The following SRP68 variants were observed in gnomAD, a reference collection of about 807,000 sequenced individuals.
The protein encoded by SRP68 is signal recognition particle 68.
SRP68 carries 15 observed loss-of-function variants against 82.2 expected under a neutral mutation model. The observed-to-expected ratio is 0.18, with a 90% CI of 0.12 to 0.28. The LOEUF (loss-of-function observed/expected upper bound fraction) is 0.28. Ranked by LOEUF, SRP68 falls within the 10% of genes least tolerant of loss-of-function variation. SRP68 has a pLI of 1.00. For missense variants in SRP68, 595 were observed against 780.5 expected (o/e 0.76, Z 2.83); for synonymous variants, 261 against 292.6 (o/e 0.89, Z 1.10).
intron 6 of SRP68, 42 bp downstream of exon 6, chr17:76,061,068 C>T: frequency 8.2e-7 from 1 of 1,213,202 alleles, no homozygotes; most frequent in Non-Finnish European, 1.2e-6. Flanking sequence ...GGCCATCTAT[C>T]AATGTTCAAG....
rs1189598998 is a variant in SRP68 at position 76,072,389 on chromosome 17, C to T, written c.103G>A (p.Gly35Arg). 8.7e-6 allele frequency: 14 copies of T among 1,609,694 alleles called. No individual in the cohort carries two copies. Among genetic ancestry groups the T allele is most frequent in the Non-Finnish European group, 1.1e-5 (13 of 1,179,740 alleles). ...CGTTCGTTTTCTTTATTTTCTTCCCCTCCGGCACCACGTCCACCGCCGCTA... is the reference window on the plus strand; with the variant it reads ...CGTTCGTTTTCTTTATTTTCTTCCCTTCCGGCACCACGTCCACCGCCGCTA... ...GGSGGGRGAG[G>R]EENKENERPS... Residue 35 changes from glycine to arginine, a missense_variant, in exon 1 of 16, where the codon GGG (glycine) becomes AGG (arginine). Gly to Arg is a moderately radical substitution (Grantham distance 125). Transcript: ENST00000307877. The surrounding 1 kb of genome is among the most constrained non-coding windows in gnomAD (Gnocchi z 4.5).
At chr17:76,070,232 A>AAAAT in intron 2 of SRP68, 146 bp downstream of exon 2, 1 of 698,758 alleles carries the variant, frequency 1.4e-6, no homozygotes, top group South Asian at 1.9e-5. Flanking sequence ...CAAAAAAAAA[A>AAAAT]AAAAAAACAA....
chr17:76,063,065 C>T (rs766792640), intron 4 of SRP68, among the ~76,000 whole-genome samples: 16 of 151,608 alleles, frequency 1.1e-4, no homozygotes, highest in Middle Eastern at 3.4e-3. Flanking sequence ...CCACCACGCC[C>T]GGCCTAAGAA....
At chr17:76,060,202 G>T in intron 7 of SRP68, 106 bp downstream of exon 7, 24 of 337,020 alleles carry the variant, frequency 7.1e-5, no homozygotes, top group East Asian at 2.1e-4. Context: ...TGCTAATACA[G>T]ATATAAATAT....
chr17:76,072,298 T>C lies in SRP68; in HGVS notation c.184+10A>G. The C allele has an allele frequency of 6.2e-7, 1 of 1,611,498 alleles. No individual in the cohort carries two copies. Among genetic ancestry groups the C allele is most frequent in the Non-Finnish European group, 8.5e-7 (1 of 1,179,278 alleles). ...ATCATTGCGAGTTAGGCCCGATTAC[T>C]CTAGGATACTCTCCAAACTCAGGCT... is the stretch of plus-strand genomic sequence containing the variant. On this transcript the variant is annotated intron_variant, in intron 1 of 15. Coordinates refer to ENST00000307877, the MANE Select transcript of SRP68 (RefSeq NM_014230.4). The surrounding 1 kb of genome is among the most constrained non-coding windows in gnomAD (Gnocchi z 4.5).
Position 76,039,480 on chromosome 17 carries a change from A to AG in SRP68, c.*225dup, listed in dbSNP as rs764457133. On this transcript the variant is annotated 3_prime_UTR_variant, in exon 16 of 16. Coordinates refer to ENST00000307877, the MANE Select transcript of SRP68 (RefSeq NM_014230.4). The stretch of plus-strand genomic sequence containing the variant: ...CGGCCCCTTTCCCAGGAGGTACAGG[A>AG]GACAGGATGACCCTGCACACATTTA... 6.1e-6 allele frequency: 4 copies of AG among 657,736 alleles called. No individual in the cohort carries two copies. Among genetic ancestry groups the AG allele is most frequent in the Non-Finnish European group, 1.1e-5 (4 of 360,556 alleles). The allele number at this position is 657,736 out of a possible 1,614,324, so 40.7% of individuals were successfully genotyped here.
intron 7 of SRP68, 47 bp downstream of exon 7, chr17:76,060,261 T>C (rs752816356): frequency 1.5e-6 from 2 of 1,327,362 alleles, no homozygotes; most frequent in Non-Finnish European, 2.2e-6. Flanking sequence ...TTACTCCTTC[T>C]GGACTTTGTC....
chr17:76,060,945 C>CTG (rs1170461955), intron 6 of SRP68, among the ~76,000 whole-genome samples, 165 bp downstream of exon 6: 1 of 152,178 alleles, frequency 6.6e-6, no homozygotes, highest in Non-Finnish European at 1.5e-5. Flanking sequence ...TTGGGCAGGG[C>CTG]TGGCTTCAAC....
At position 76,043,742 on chromosome 17, in the gene SRP68, C is replaced by A. The variant is rs1478612898; in HGVS notation, c.1524+87G>T. On this transcript the variant is annotated intron_variant, in intron 13 of 15. Transcript: ENST00000307877. ...GCCAGGGAGGACCAGCCTGAGGTGG[C>A]GCCCAGCTGTTGTACCCTCACAGCT... is the stretch of plus-strand genomic sequence containing the variant. 2.8e-6 allele frequency: 4 copies of A among 1,419,090 alleles called. No homozygotes were observed. The African/African-American group carries it at 5.9e-5, about 21-fold the overall frequency. The allele number at this position is 1,419,090 out of a possible 1,614,324, so 87.9% of individuals were successfully genotyped here.
At position 76,040,941 on chromosome 17, in the gene SRP68, C is replaced by T. The variant is rs767821341; in HGVS notation, c.1562G>A (p.Arg521Gln). 8.7e-6 allele frequency: 14 copies of T among 1,613,862 alleles called. No homozygotes were observed. The highest frequency in any genetic ancestry group is 3.3e-5 in the Admixed American group (2 of 59,984). ...PDVQELITQV[R>Q]SEKCSLQAAA... ...GGCCTGCAGGGAGCACTTCTCTGAC[C>T]GCACTTGAGTGATGAGCTCTTGCAC... The change falls in exon 14 of 16, where the codon CGG (arginine) becomes CAG (glutamine). Residue 521 changes from arginine (R) to glutamine (Q), a missense_variant. By Grantham distance (43) the Arg-to-Gln change is conservative (BLOSUM62 1). Coordinates refer to ENST00000307877, the MANE Select transcript of SRP68 (RefSeq NM_014230.4).
chr17:76,060,290 A>G lies in SRP68; in HGVS notation c.837+18T>C. 1 of 1,587,996 alleles carries G rather than the reference A, an allele frequency of 6.3e-7. No homozygotes were observed. On this transcript the variant is annotated intron_variant, in intron 7 of 15. Transcript: ENST00000307877. ...CTTTGTCCAAAGACTTTTCACAAAA[A>G]TGTACATACTAGATTACCTCCAATT...
intron 6 of SRP68, 24 bp from the exon 7 acceptor site, chr17:76,060,414 C>T: frequency 6.4e-7 from 1 of 1,574,072 alleles, no homozygotes. Flanking sequence ...ACAGGAAAAT[C>T]TTCAAGGGTC....
chr17:76,040,924 G>A lies in SRP68; in HGVS notation c.1579C>T (p.Leu527=). The A allele has an allele frequency of 1.2e-6, 2 of 1,614,048 alleles. No individual in the cohort carries two copies. The highest frequency in any genetic ancestry group is 1.7e-4 in the Middle Eastern group (1 of 6,060). ...TCACCAAGGATGGCTGCGGCCTGCA[G>A]GGAGCACTTCTCTGACCGCACTTGA... ...ITQVRSEKCS[L]QAAAILDAND... is the part of the protein sequence containing the mutation. The change falls in exon 14 of 16, where the codon CTG becomes TTG. Residue 527 remains leucine, a synonymous_variant. Coordinates refer to ENST00000307877, the MANE Select transcript of SRP68 (RefSeq NM_014230.4).
intron 7 of SRP68, among the ~76,000 whole-genome samples, chr17:76,059,754 TGCACTTTAGCCTGAGCGA>T (rs2066737474): frequency 7.1e-6 from 1 of 141,686 alleles, no homozygotes; most frequent in African/African-American, 2.7e-5. Context: ...ATCACGCCAC[TGCACTTTAGCCTGAGCGA>T]CAGAGTAAGA....
At chr17:76,046,706 C>T (rs964872106) in intron 10 of SRP68, among the ~76,000 whole-genome samples, 2 of 152,092 alleles carry the variant, frequency 1.3e-5, no homozygotes, top group Admixed American at 1.3e-4. Context: ...CTGTAGGAGG[C>T]CGAGGCGGGC....
intron 9 of SRP68, chr17:76,049,710 A>C (rs1196721569): frequency 1.3e-5 from 2 of 152,224 alleles, no homozygotes; most frequent in Non-Finnish European, 2.9e-5. Flanking sequence ...AATGCAGTTT[A>C]TATATGACAA....
At chr17:76,046,813 C>T (rs2066635851) in intron 10 of SRP68, among the ~76,000 whole-genome samples, 1 of 152,062 alleles carries the variant, frequency 6.6e-6, no homozygotes, top group African/African-American at 2.4e-5. Context: ...TGGTGGTGGG[C>T]ACCTGTAGTC....
intron 6 of SRP68, chr17:76,060,830 G>A: frequency 2.4e-6 from 1 of 408,954 alleles, no homozygotes; most frequent in South Asian, 3.3e-5. Context: ...ACCTAAAACT[G>A]CTCTAAAACA....
intron 3 of SRP68, among the ~76,000 whole-genome samples, chr17:76,064,486 T>C (rs2066791896): frequency 6.6e-6 from 1 of 152,088 alleles, no homozygotes; most frequent in South Asian, 2.1e-4. Context: ...AGGCACACGA[T>C]CTGGCCTCAT....
Sources: gnomAD v4.1 joint callset for allele counts (sites outside exome capture counted in the v4.1 genomes callset) on GRCh38, gnomAD v4.1.1 for gene constraint, Gnocchi (gnomAD v3.1) non-coding constraint, MANE v1.5 for transcripts, NCBI Gene and HGNC (gene_info 2026-07-23, HGNC 2026-07-21) for gene names.